The following MITF variants were observed in gnomAD, a reference collection of about 807,000 sequenced individuals.
MITF encodes microphthalmia-associated transcription factor.
A neutral mutation model predicts 60.5 loss-of-function variants in MITF; 17 were observed. The observed-to-expected ratio is 0.28, with a 90% CI of 0.19 to 0.42. The LOEUF is 0.42. Among genes scored for constraint, MITF ranks in the 10% least tolerant of loss-of-function variants. The pLI is 1.00. For missense variants in MITF, 622 were observed against 683.5 expected (o/e 0.91, Z 1.00); for synonymous variants, 260 against 248.5 (o/e 1.05, Z -0.43).
intron 2 of MITF, among the ~76,000 whole-genome samples, chr3:69,902,911 A>G (rs1024077209): frequency 2.0e-5 from 3 of 152,082 alleles, no homozygotes; most frequent in African/African-American, 7.2e-5. Flanking sequence ...TGAATTTTAA[A>G]TTACTTTGTA....
intron 1 of MITF, among the ~76,000 whole-genome samples, chr3:69,852,824 A>G (rs1482400442): frequency 6.6e-6 from 1 of 152,170 alleles, no homozygotes; most frequent in African/African-American, 2.4e-5. Context: ...AACATTTGGT[A>G]ATACATCTCC....
chr3:69,963,588 G>A (rs2107548412), intron 9 of MITF, among the ~76,000 whole-genome samples: 2 of 152,142 alleles, frequency 1.3e-5, no homozygotes, highest in Middle Eastern at 6.8e-3. Context: ...TTACTAACTG[G>A]ATGTGTGTGT....
intron 9 of MITF, among the ~76,000 whole-genome samples, chr3:69,960,633 C>T (rs995804429): frequency 3.3e-5 from 5 of 152,116 alleles, no homozygotes; most frequent in Non-Finnish European, 5.9e-5. Context: ...TAGGCTGACC[C>T]ACCTTTTACT....
chr3:69,873,015 C>G (rs553418923), intron 1 of MITF, among the ~76,000 whole-genome samples: 1 of 151,582 alleles, frequency 6.6e-6, no homozygotes, highest in Non-Finnish European at 1.5e-5. Context: ...TTTAGCTATG[C>G]CAGAGACCTG....
intron 1 of MITF, among the ~76,000 whole-genome samples, chr3:69,765,569 G>T (rs950194039): frequency 2.0e-5 from 3 of 152,050 alleles, no homozygotes; most frequent in Non-Finnish European, 4.4e-5. Context: ...TTTTTAAAAA[G>T]AAAAATAAGA....
chr3:69,939,249 C>T (rs1576008515), intron 4 of MITF, 68 bp downstream of exon 4: 3 of 1,359,452 alleles, frequency 2.2e-6, no homozygotes, highest in Non-Finnish European at 3.1e-6. Context: ...TGGTGGATCA[C>T]ACCTTCCTGA....
At chr3:69,871,957 C>T (rs2064247710) in intron 1 of MITF, among the ~76,000 whole-genome samples, 1 of 152,138 alleles carries the variant, frequency 6.6e-6, no homozygotes, top group Admixed American at 6.5e-5. Flanking sequence ...TTTCTCAAAG[C>T]CCTTTAAAAC....
chr3:69,892,110 G>A (rs2107320948), intron 2 of MITF, among the ~76,000 whole-genome samples: 1 of 152,154 alleles, frequency 6.6e-6, no homozygotes, highest in East Asian at 1.9e-4. Flanking sequence ...AAATGTAGAT[G>A]CTGCTATGAT....
chr3:69,966,540 G>A lies in MITF; in HGVS notation c.*1292G>A. ...TACGCCCATTATGGTCATTTAAATT[G>A]GGGTTTATTTCAGCAAACTTGTTGA... On this transcript the variant is annotated 3_prime_UTR_variant, in exon 10 of 10. Transcript: ENST00000352241. The A allele has an allele frequency of 4.3e-6, 1 of 233,044 alleles. No individual in the cohort carries two copies. The highest frequency in any genetic ancestry group is 2.2e-5 in the African/African-American group (1 of 45,446). The allele number at this position is 233,044 out of a possible 1,614,324, so 14.4% of individuals were successfully genotyped here. A position where few individuals can be genotyped will look rare whatever the true frequency, so the allele number is the denominator to read the frequency against.
At chr3:69,948,931 A>T (rs2066169514) in intron 5 of MITF, 120 bp from the exon 6 acceptor site, 1 of 774,522 alleles carries the variant, frequency 1.3e-6, no homozygotes, top group Admixed American at 2.2e-5. Flanking sequence ...TATTTTAAAA[A>T]TGATTTTTTG....
At chr3:69,885,996 G>C (rs866812899) in intron 2 of MITF, among the ~76,000 whole-genome samples, 1 of 152,060 alleles carries the variant, frequency 6.6e-6, no homozygotes, top group Non-Finnish European at 1.5e-5. Context: ...ACAGATGCAG[G>C]AACTGTCACA....
At chr3:69,758,096 A>G (rs946335203) in intron 1 of MITF, among the ~76,000 whole-genome samples, 1 of 144,752 alleles carries the variant, frequency 6.9e-6, no homozygotes, top group African/African-American at 2.6e-5. Context: ...ATAAATATAT[A>G]TATATATAAA....
chr3:69,811,055 G>A (rs2063093268), intron 1 of MITF, among the ~76,000 whole-genome samples: 1 of 152,184 alleles, frequency 6.6e-6, no homozygotes. Context: ...TTCTAAAGCA[G>A]TGGTTCTGAA....
At chr3:69,950,881 A>G (rs2066231927) in intron 6 of MITF, among the ~76,000 whole-genome samples, 1 of 152,036 alleles carries the variant, frequency 6.6e-6, no homozygotes, top group Admixed American at 6.6e-5. Flanking sequence ...AAGAGTTGCT[A>G]TGCAAATAGA....
chr3:69,890,535 A>G (rs758194937), intron 2 of MITF, among the ~76,000 whole-genome samples: 1 of 152,110 alleles, frequency 6.6e-6, no homozygotes, highest in Admixed American at 6.6e-5. Context: ...CATTACATAG[A>G]TTGATTAACA....
At chr3:69,868,256 A>G (rs898480734) in intron 1 of MITF, among the ~76,000 whole-genome samples, 1 of 152,142 alleles carries the variant, frequency 6.6e-6, no homozygotes, top group African/African-American at 2.4e-5. Flanking sequence ...TATGAAGAAG[A>G]TATGTCTTTC....
intron 2 of MITF, among the ~76,000 whole-genome samples, chr3:69,933,492 C>A (rs1575994517): frequency 6.6e-6 from 1 of 152,050 alleles, no homozygotes; most frequent in African/African-American, 2.4e-5. Flanking sequence ...TGATCCATTC[C>A]GATTCTCTTG....
At chr3:69,936,022 G>A (rs939760885) in intron 2 of MITF, among the ~76,000 whole-genome samples, 2 of 152,146 alleles carry the variant, frequency 1.3e-5, no homozygotes, top group Non-Finnish European at 2.9e-5. Flanking sequence ...CCACTTCTGT[G>A]TGTGCTATGT....
intron 1 of MITF, among the ~76,000 whole-genome samples, chr3:69,761,362 C>T (rs1024508973): frequency 1.3e-5 from 2 of 152,110 alleles, no homozygotes; most frequent in Non-Finnish European, 2.9e-5. Context: ...AATGAAGAAA[C>T]TTGTGCTTGT....
Sources: gnomAD v4.1 joint callset for allele counts (sites outside exome capture counted in the v4.1 genomes callset) on GRCh38, gnomAD v4.1.1 for gene constraint, MANE v1.5 for transcripts, NCBI Gene and HGNC (gene_info 2026-07-23, HGNC 2026-07-21) for gene names.